The following PLD5 variants were observed in gnomAD, a reference collection of about 807,000 sequenced individuals.
PLD5 encodes phospholipase D family member 5.
Under a neutral mutation model 61.1 loss-of-function variants are expected in PLD5, and 36 were observed. The ratio of observed to expected loss-of-function variants is 0.59; its 90% confidence interval spans 0.45 to 0.78. PLD5 has a LOEUF of 0.78. PLD5 is among the 30% of genes least tolerant of loss of function. The pLI is 0.00. For missense variants in PLD5, 515 were observed against 644.4 expected (o/e 0.80, Z 2.17); for synonymous variants, 243 against 242.8 (o/e 1.00, Z -0.01).
chr1:242,254,149 A>G (rs1333492275), intron 4 of PLD5, among the ~76,000 whole-genome samples: 1 of 152,196 alleles, frequency 6.6e-6, no homozygotes, highest in East Asian at 1.9e-4. Context: ...AGAAGCAAAA[A>G]TAAATCCAGT....
At chr1:242,197,867 C>T (rs1013343753) in intron 5 of PLD5, among the ~76,000 whole-genome samples, 1 of 152,138 alleles carries the variant, frequency 6.6e-6, no homozygotes, top group East Asian at 1.9e-4. Context: ...CTCCTGACCT[C>T]ATGTGATCTG....
intron 4 of PLD5, among the ~76,000 whole-genome samples, chr1:242,222,118 C>T (rs926802896): frequency 2.6e-5 from 4 of 152,104 alleles, no homozygotes; most frequent in Non-Finnish European, 4.4e-5. Context: ...TGTCCCATGG[C>T]ATCTTCTCCC....
chr1:242,272,605 C>T (rs1225545488), intron 3 of PLD5, among the ~76,000 whole-genome samples: 2 of 152,110 alleles, frequency 1.3e-5, no homozygotes, highest in African/African-American at 4.8e-5. Context: ...GAGTATAAAA[C>T]AAATCTTATC....
chr1:242,354,998 T>C (rs1436440453), intron 1 of PLD5, among the ~76,000 whole-genome samples: 3 of 152,070 alleles, frequency 2.0e-5, no homozygotes, highest in Admixed American at 1.3e-4. Context: ...AATGATCCTT[T>C]TCATGTGTTG....
chr1:242,229,683 C>A (rs543378735), intron 4 of PLD5, among the ~76,000 whole-genome samples: 2 of 151,946 alleles, frequency 1.3e-5, no homozygotes, highest in Non-Finnish European at 2.9e-5. Flanking sequence ...TTGTTTGCTG[C>A]GAGTGAAGAG....
At chr1:242,378,154 C>A (rs770818102) in intron 1 of PLD5, among the ~76,000 whole-genome samples, 11 of 152,148 alleles carry the variant, frequency 7.2e-5, no homozygotes, top group Non-Finnish European at 1.6e-4. Flanking sequence ...ATGTGATAAG[C>A]ACATAGGACA....
chr1:242,224,520 T>A (rs1276554915), intron 4 of PLD5, among the ~76,000 whole-genome samples: 1 of 152,122 alleles, frequency 6.6e-6, no homozygotes, highest in Non-Finnish European at 1.5e-5. Flanking sequence ...GAGCTATGCA[T>A]AAGAAACATG....
At chr1:242,338,019 T>C (rs1350260659) in intron 2 of PLD5, among the ~76,000 whole-genome samples, 1 of 152,154 alleles carries the variant, frequency 6.6e-6, no homozygotes, top group African/African-American at 2.4e-5. Flanking sequence ...AATGCTGCAT[T>C]CCAACCTTGC....
At chr1:242,412,135 G>T (rs1572096756) in intron 1 of PLD5, among the ~76,000 whole-genome samples, 1 of 152,164 alleles carries the variant, frequency 6.6e-6, no homozygotes, top group Middle Eastern at 3.2e-3. Flanking sequence ...TACTTGGGAA[G>T]ATAAGCTAGT....
At chr1:242,495,346 T>C (rs1021201039) in intron 1 of PLD5, among the ~76,000 whole-genome samples, 7 of 152,086 alleles carry the variant, frequency 4.6e-5, no homozygotes, top group African/African-American at 1.4e-4. Context: ...AGGAGGTCCA[T>C]TGATTTTTGT....
intron 2 of PLD5, among the ~76,000 whole-genome samples, chr1:242,290,027 G>A (rs976261241): frequency 2.7e-5 from 4 of 150,568 alleles, no homozygotes; most frequent in Non-Finnish European, 4.4e-5. Context: ...TTTAAAATTT[G>A]TTGAGCCTTT....
intron 6 of PLD5, among the ~76,000 whole-genome samples, chr1:242,115,253 C>T (rs913339576): frequency 6.6e-6 from 1 of 152,100 alleles, no homozygotes; most frequent in Admixed American, 6.5e-5. Context: ...GAAAGCATCC[C>T]TGCTGACCCT....
intron 1 of PLD5, among the ~76,000 whole-genome samples, chr1:242,443,515 G>A (rs1666369639): frequency 6.6e-6 from 1 of 152,038 alleles, no homozygotes; most frequent in African/African-American, 2.4e-5. Context: ...ATGTGAACTG[G>A]GAAGATTATC....
chr1:242,285,430 A>G (rs1674966086), intron 3 of PLD5, among the ~76,000 whole-genome samples: 3 of 152,170 alleles, frequency 2.0e-5, no homozygotes, highest in Admixed American at 2.0e-4. Flanking sequence ...CCCGGGAAGT[A>G]GAGGTTGCAG....
intron 1 of PLD5, among the ~76,000 whole-genome samples, chr1:242,484,803 A>G (rs1266716916): frequency 6.6e-6 from 1 of 152,196 alleles, no homozygotes; most frequent in Non-Finnish European, 1.5e-5. Context: ...CGATGCAAAA[A>G]TCCTCAATAA....
Position 242,524,293 on chromosome 1 carries a change from G to C in PLD5, c.-17C>G. 1 of 1,385,302 alleles carries C rather than the reference G, an allele frequency of 7.2e-7. No individual in the cohort carries two copies. The highest frequency in any genetic ancestry group is 9.3e-7 in the Non-Finnish European group (1 of 1,075,936). The allele number at this position is 1,385,302 out of a possible 1,614,324, so 85.8% of individuals were successfully genotyped here. ...GATCTCCATCCTGACATGACCGGGC[G>C]GCCGCCGGCGAGCAGCGGACTCGGG... On this transcript the variant is annotated 5_prime_UTR_variant, in exon 1 of 10. Coordinates refer to ENST00000536534, the MANE Select transcript of PLD5 (RefSeq NM_001372062.1).
intron 1 of PLD5, among the ~76,000 whole-genome samples, chr1:242,523,045 G>A (rs538610812): frequency 6.6e-6 from 1 of 152,226 alleles, no homozygotes; most frequent in East Asian, 1.9e-4. Context: ...GAGTGCTTTG[G>A]GGGGCAGATG....
intron 1 of PLD5, among the ~76,000 whole-genome samples, chr1:242,424,953 G>A (rs1665336878): frequency 1.3e-5 from 2 of 152,308 alleles, no homozygotes; most frequent in Middle Eastern, 3.4e-3. Context: ...CCAAGATGGT[G>A]AAACCTCGTC....
At chr1:242,500,595 C>T (rs1668522304) in intron 1 of PLD5, among the ~76,000 whole-genome samples, 2 of 152,174 alleles carry the variant, frequency 1.3e-5, no homozygotes, top group African/African-American at 2.4e-5. Flanking sequence ...GGTACAGTTG[C>T]AGTCAGTAAC....
Sources: allele counts gnomAD v4.1 joint callset (sites outside exome capture counted in the v4.1 genomes callset), GRCh38; gene constraint gnomAD v4.1.1; transcripts MANE v1.5; gene names NCBI Gene and HGNC (gene_info 2026-07-23, HGNC 2026-07-21).